Variants in SLC24A2 observed in about 807,000 individuals in gnomAD.
The protein encoded by SLC24A2 is solute carrier family 24 member 2.
Under a neutral mutation model 62.0 loss-of-function variants are expected in SLC24A2, and 36 were observed. The ratio of observed to expected loss-of-function variants is 0.58; its 90% CI spans 0.44 to 0.77. The LOEUF (loss-of-function observed/expected upper bound fraction) is 0.77, where lower values mean the gene tolerates loss of function less well. Among genes scored for constraint, SLC24A2 ranks in the 30% least tolerant of loss-of-function variants. The pLI is 0.00. For synonymous variants in SLC24A2, 358 were observed against 294.0 expected (o/e 1.22, Z -2.23); for missense variants, 846 against 817.9 (o/e 1.03, Z -0.42).
chr9:19,650,866 A>G lies in SLC24A2; in HGVS notation c.931-28567T>C, dbSNP rs1320247814. On this transcript the variant is annotated intron_variant, in intron 2 of 10. Coordinates refer to ENST00000341998, the MANE Select transcript of SLC24A2 (RefSeq NM_020344.4). ...GTGTGTGTGTTTGTGTGTGTATGCC[A>G]GCATCAAATAGCTGTCTATAAAGTC... Among the ~76,000 whole-genome samples the G allele has an allele frequency of 2.1e-5, 3 of 143,892 alleles. No homozygotes were observed. In the South Asian group the frequency reaches 6.3e-4, roughly 30 times the overall value. The allele number at this position is 143,892 out of a possible 152,430, so 94.4% of individuals were successfully genotyped here.
At chr9:19,882,913 G>A in the SLC24A2 span, among the ~76,000 whole-genome samples, 2 of 152,158 alleles carry the variant, frequency 1.3e-5, no homozygotes, top group South Asian at 2.1e-4. Context: ...AGCTCTCAGT[G>A]CCTAGCAATA....
the SLC24A2 span, among the ~76,000 whole-genome samples, chr9:20,002,525 G>A: frequency 1.3e-5 from 2 of 152,032 alleles, no homozygotes; most frequent in Admixed American, 1.3e-4. Flanking sequence ...ACCCTTATTA[G>A]ACCCATTTTG....
the SLC24A2 span, among the ~76,000 whole-genome samples, chr9:20,081,095 A>G: frequency 2.0e-5 from 3 of 152,210 alleles, no homozygotes; most frequent in Admixed American, 1.3e-4. Flanking sequence ...CTAGAACTGG[A>G]AATACCATTT....
chr9:19,525,227 A>G, intron 9 of SLC24A2, among the ~76,000 whole-genome samples: 1 of 152,114 alleles, frequency 6.6e-6, no homozygotes, highest in Admixed American at 6.5e-5. Flanking sequence ...AATAATATAA[A>G]ATATCATGTA....
chr9:19,782,559 T>C (rs760732106), intron 2 of SLC24A2, among the ~76,000 whole-genome samples: 4 of 152,242 alleles, frequency 2.6e-5, no homozygotes, highest in Admixed American at 6.5e-5. Flanking sequence ...GCAAATATTA[T>C]ATAACCCTAA....
the SLC24A2 span, among the ~76,000 whole-genome samples, chr9:19,893,970 C>G: frequency 2.2e-4 from 34 of 152,154 alleles, no homozygotes; most frequent in Non-Finnish European, 5.0e-4. Context: ...AAGGACACTT[C>G]TTGGAAGTGA....
At position 19,608,637 on chromosome 9, in the gene SLC24A2, A is replaced by G. The variant is rs769898927; in HGVS notation, c.1078+10947T>C. ...AACATGCATATGACTTCCCATAGCC[A>G]CTGCTGAGAGAATTACATGAGATGA... On this transcript the variant is annotated intron_variant, in intron 4 of 10. Transcript: ENST00000341998. Among the ~76,000 whole-genome samples the G allele has an allele frequency of 8.9e-4, 135 of 152,288 alleles. 1 individual carries two copies. The highest frequency in any genetic ancestry group is 4.1e-4 in the Non-Finnish European group (28 of 68,006).
At chr9:19,843,260 G>C in the SLC24A2 span, among the ~76,000 whole-genome samples, 1 of 152,186 alleles carries the variant, frequency 6.6e-6, no homozygotes, top group East Asian at 1.9e-4. Context: ...CCAACACTTT[G>C]GGAGGCCAAG....
chr9:19,939,116 C>T, the SLC24A2 span, among the ~76,000 whole-genome samples: 3 of 152,208 alleles, frequency 2.0e-5, no homozygotes, highest in Admixed American at 1.3e-4. Context: ...AGTCTTGTTT[C>T]TGGATTCTAG....
At chr9:20,288,737 G>A in the SLC24A2 span, among the ~76,000 whole-genome samples, 1 of 124,826 alleles carries the variant, frequency 8.0e-6, no homozygotes, top group Admixed American at 8.6e-5. Flanking sequence ...GTGAGACTCT[G>A]TCTCAAAAAA....
chr9:19,838,683 C>G, the SLC24A2 span, among the ~76,000 whole-genome samples: 3 of 150,286 alleles, frequency 2.0e-5, no homozygotes, highest in Middle Eastern at 3.4e-3. Context: ...TTTCAGTGTA[C>G]AAGTCTTTCA....
the SLC24A2 span, among the ~76,000 whole-genome samples, chr9:20,127,318 G>T: frequency 6.6e-6 from 1 of 151,958 alleles, no homozygotes; most frequent in East Asian, 1.9e-4. Flanking sequence ...ATATTTTTTT[G>T]AAACCAGGAA....
In SLC24A2 at chr9:19,680,738, GA is replaced by G. The variant is rs1337716598; in HGVS notation, c.931-58440del. Among the ~76,000 whole-genome samples the G allele has an allele frequency of 2.0e-5, 3 of 151,828 alleles. No individual in the cohort carries two copies. In the East Asian group the frequency reaches 5.8e-4, roughly 29 times the overall value. On this transcript the variant is annotated intron_variant, in intron 2 of 10. Transcript: ENST00000341998. ...AAAGATTCATGGCTTCCAAACATTTGAAAACTCAATTTCACAATGTTGAGAA... is the reference window on the plus strand; with the variant it reads ...AAAGATTCATGGCTTCCAAACATTTGAAACTCAATTTCACAATGTTGAGAA...
chr9:19,559,097 A>G (rs1835265414), intron 7 of SLC24A2, among the ~76,000 whole-genome samples: 2 of 152,374 alleles, frequency 1.3e-5, no homozygotes, highest in South Asian at 4.1e-4. Context: ...CACTTACAAG[A>G]GTATTTGGCA....
chr9:20,000,783 G>C, the SLC24A2 span, among the ~76,000 whole-genome samples: 3 of 152,138 alleles, frequency 2.0e-5, no homozygotes, highest in Admixed American at 6.5e-5. Flanking sequence ...TAGAGACTAA[G>C]TTAACAGTAA....
chr9:19,940,622 G>A, the SLC24A2 span, among the ~76,000 whole-genome samples: 11 of 152,196 alleles, frequency 7.2e-5, no homozygotes, highest in Non-Finnish European at 1.3e-4. Flanking sequence ...CTTTCCACAC[G>A]TGTCTCTGTG....
chr9:19,777,121 A>C (rs1177215044), intron 2 of SLC24A2, among the ~76,000 whole-genome samples: 1 of 152,224 alleles, frequency 6.6e-6, no homozygotes. Context: ...GGAGAGCTAA[A>C]GTTAGTGATT....
At chr9:20,117,002 G>C in the SLC24A2 span, among the ~76,000 whole-genome samples, 2 of 152,076 alleles carry the variant, frequency 1.3e-5, no homozygotes, top group Non-Finnish European at 2.9e-5. Flanking sequence ...TCAACCCCCA[G>C]GAAATATACC....
chr9:19,527,145 T>C (rs1833480718), intron 9 of SLC24A2, among the ~76,000 whole-genome samples: 1 of 152,206 alleles, frequency 6.6e-6, no homozygotes, highest in Non-Finnish European at 1.5e-5. Flanking sequence ...CAAATTTCTA[T>C]ATCTTATTTA....
Sources: allele counts gnomAD v4.1 joint callset (sites outside exome capture counted in the v4.1 genomes callset), GRCh38; gene constraint gnomAD v4.1.1; transcripts MANE v1.5; gene names NCBI Gene and HGNC (gene_info 2026-07-23, HGNC 2026-07-21).